Variants in KAT6A observed in about 807,000 individuals in gnomAD.
The protein encoded by KAT6A is lysine acetyltransferase 6A.
In KAT6A, 9 loss-of-function variants were observed where a neutral mutation model predicts 198.4. The ratio of observed to expected loss-of-function variants is 0.05; its 90% CI spans 0.03 to 0.08. The LOEUF (loss-of-function observed/expected upper bound fraction) is 0.08, where lower values mean the gene tolerates loss of function less well. KAT6A is among the 10% of genes least tolerant of loss of function. KAT6A has a pLI of 1.00. For missense variants in KAT6A, 2,077 were observed against 2,509.9 expected, an observed-to-expected ratio of 0.83 and a Z score of 3.69; for synonymous variants, 890 against 883.0, an observed-to-expected ratio of 1.01 and a Z score of -0.14.
At chr8:41,999,891 T>C (rs1393950101) in intron 2 of KAT6A, among the ~76,000 whole-genome samples, 1 of 152,236 alleles carries the variant, frequency 6.6e-6, no homozygotes, top group Non-Finnish European at 1.5e-5. Context: ...GATTAACAGA[T>C]AAAGTTATGG....
intron 2 of KAT6A, among the ~76,000 whole-genome samples, chr8:42,015,272 G>C (rs905185505): frequency 6.6e-6 from 1 of 152,204 alleles, no homozygotes; most frequent in African/African-American, 2.4e-5. Flanking sequence ...GCAATCTATA[G>C]CCAGATCCCT....
At chr8:41,993,823 G>T (rs1326278813) in intron 2 of KAT6A, among the ~76,000 whole-genome samples, 1 of 152,094 alleles carries the variant, frequency 6.6e-6, no homozygotes, top group Non-Finnish European at 1.5e-5. Flanking sequence ...ATTGTTAAAA[G>T]CATTTAAAAA....
At chr8:41,990,827 A>G (rs1044432506) in intron 2 of KAT6A, among the ~76,000 whole-genome samples, 2 of 152,054 alleles carry the variant, frequency 1.3e-5, no homozygotes, top group African/African-American at 4.8e-5. Flanking sequence ...CCCCGTCTCT[A>G]CTAAAAACAC....
chr8:42,030,077 A>C (rs192440580), intron 2 of KAT6A, among the ~76,000 whole-genome samples: 85 of 152,264 alleles, frequency 5.6e-4, no homozygotes, highest in African/African-American at 2.0e-3. Flanking sequence ...ATGGAGATTC[A>C]AGGGCAATTG....
chr8:42,047,859 T>C (rs1321549466), intron 2 of KAT6A, among the ~76,000 whole-genome samples: 1 of 152,132 alleles, frequency 6.6e-6, no homozygotes. Context: ...ATTGCTAAGT[T>C]TGCTTAGTTG....
chr8:41,945,152 T>C (rs1237295530), intron 12 of KAT6A, among the ~76,000 whole-genome samples: 10 of 152,232 alleles, frequency 6.6e-5, no homozygotes, highest in Non-Finnish European at 1.3e-4. Flanking sequence ...TTCTCTATCA[T>C]TCACTTCTTC....
intron 8 of KAT6A, among the ~76,000 whole-genome samples, chr8:41,961,227 T>A (rs998970520): frequency 2.0e-5 from 3 of 152,212 alleles, no homozygotes; most frequent in Non-Finnish European, 4.4e-5. Flanking sequence ...CCCACCCACA[T>A]CTGTCTGCCT....
At chr8:42,018,473 C>T (rs1434720019) in intron 2 of KAT6A, among the ~76,000 whole-genome samples, 1 of 152,202 alleles carries the variant, frequency 6.6e-6, no homozygotes, top group East Asian at 1.9e-4. Flanking sequence ...GATTGTGCCA[C>T]TGCACTCCAG....
chr8:42,022,346 A>G (rs563623695), intron 2 of KAT6A, among the ~76,000 whole-genome samples: 1 of 151,448 alleles, frequency 6.6e-6, no homozygotes, highest in Non-Finnish European at 1.5e-5. Context: ...CAGCAAAAAA[A>G]CCTAGATATT....
At chr8:42,020,911 G>T (rs1826497226) in intron 2 of KAT6A, among the ~76,000 whole-genome samples, 1 of 152,174 alleles carries the variant, frequency 6.6e-6, no homozygotes, top group South Asian at 2.1e-4. Flanking sequence ...TCTGTAACTT[G>T]ATCCTTACCC....
intron 2 of KAT6A, among the ~76,000 whole-genome samples, chr8:41,990,203 A>G (rs554323746): frequency 4.6e-5 from 7 of 152,242 alleles, no homozygotes; most frequent in Non-Finnish European, 7.3e-5. Context: ...TAGAAAAGTC[A>G]TTCTGTAAGC....
chr8:42,006,389 G>A (rs1825747882), intron 2 of KAT6A, among the ~76,000 whole-genome samples: 1 of 152,150 alleles, frequency 6.6e-6, no homozygotes, highest in Admixed American at 6.5e-5. Context: ...TTCTATAAAT[G>A]GACACTCCAA....
rs562077281 is a variant in KAT6A at position 41,976,260 on chromosome 8, A to G, written c.1363+748T>C. Among the ~76,000 whole-genome samples, 181 of 152,306 alleles carry G rather than the reference A, an allele frequency of 1.2e-3. 3 individuals are homozygous for G. The South Asian group carries it at 0.036, about 30-fold the overall frequency. The stretch of plus-strand genomic sequence containing the variant: ...TTGTGGTCCAAAAGAGTTCATTCTC[A>G]TTCTACTTTCTTCAAGCCCTTTCTA... On this transcript the variant is annotated intron_variant, in intron 7 of 16. Transcript: ENST00000265713.
intron 6 of KAT6A, 153 bp from the exon 7 acceptor site, chr8:41,977,480 A>C (rs1159373560): frequency 3.9e-6 from 2 of 509,220 alleles, no homozygotes; most frequent in African/African-American, 3.9e-5. Flanking sequence ...GTACTCTGTG[A>C]ATGAAAATTA....
Position 41,933,743 on chromosome 8 carries a change from A to C in KAT6A, c.4477T>G (p.Ser1493Ala). 6.2e-7 allele frequency: 1 copy of C among 1,614,094 alleles called. No homozygotes were observed. The highest frequency in any genetic ancestry group is 8.5e-7 in the Non-Finnish European group (1 of 1,180,020). Residue 1493 changes from serine (S) to alanine (A), a missense_variant, in exon 17 of 17, where the codon TCA (serine) becomes GCA (alanine). Ser to Ala is a moderately conservative substitution (Grantham distance 99). Around this residue, in one of 13 missense-constraint regions of KAT6A, gnomAD observed 178 missense variants for 220.8 expected, o/e 0.81. Transcript: ENST00000265713. This position sits in a 1 kb window ranked among gnomAD's most constrained non-coding sequence, Gnocchi z 6.2. ...TTGGGACTGCTGACCGAACGGACTG[A>C]CTGGCTGGGGTGAGACTGAACGGAG... ...ISSVQSHPSQSVRSVSSPNVP... is the reference protein window; with the variant it reads ...ISSVQSHPSQAVRSVSSPNVP...
intron 2 of KAT6A, 86 bp downstream of exon 2, chr8:42,048,292 A>C: frequency 2.7e-6 from 4 of 1,479,278 alleles, no homozygotes; most frequent in Middle Eastern, 2.0e-4. Flanking sequence ...CCAAACAAAA[A>C]ACTTGAATAT....
At chr8:42,016,984 C>A (rs1387166277) in intron 2 of KAT6A, among the ~76,000 whole-genome samples, 3 of 151,986 alleles carry the variant, frequency 2.0e-5, no homozygotes, top group Non-Finnish European at 4.4e-5. Flanking sequence ...GCCACTACTT[C>A]AATAAAAAGA....
chr8:42,046,145 T>G (rs1259993329), intron 2 of KAT6A, among the ~76,000 whole-genome samples: 1 of 152,306 alleles, frequency 6.6e-6, no homozygotes, highest in Non-Finnish European at 1.5e-5. Flanking sequence ...TGTACTATAT[T>G]TACTACCTTT....
chr8:42,050,379 TG>T (rs980323615), intron 1 of KAT6A, among the ~76,000 whole-genome samples: 21 of 152,370 alleles, frequency 1.4e-4, no homozygotes, highest in African/African-American at 5.0e-4. Flanking sequence ...TAAGTTTAAC[TG>T]AAGTGTTTTT....
Sources: gnomAD v4.1 joint callset for allele counts (sites outside exome capture counted in the v4.1 genomes callset) on GRCh38, gnomAD v4.1.1 for gene constraint, gnomAD v4.1.1 regional missense constraint, Gnocchi (gnomAD v3.1) non-coding constraint, MANE v1.5 for transcripts, NCBI Gene and HGNC (gene_info 2026-07-23, HGNC 2026-07-21) for gene names.